CAPN14: variants seen among roughly 807,000 people sequenced by gnomAD.
CAPN14 encodes the protein calpain-14.
Under a neutral mutation model 101.3 loss-of-function variants are expected in CAPN14, and 94 were observed. The observed-to-expected ratio is 0.93, with a 90% CI of 0.79 to 1.10. The LOEUF (loss-of-function observed/expected upper bound fraction) is 1.10, where lower values mean the gene tolerates loss of function less well. CAPN14 is among the 50% of genes least tolerant of loss of function. The pLI, the probability that CAPN14 is intolerant of heterozygous loss-of-function variation, is 0.00. For synonymous variants in CAPN14, 338 were observed against 317.9 expected (o/e 1.06, Z -0.67); for missense variants, 837 against 828.4 (o/e 1.01, Z -0.13).
At chr2:31,196,729 T>C (rs1009594723) in intron 8 of CAPN14, among the ~76,000 whole-genome samples, 1 of 152,150 alleles carries the variant, frequency 6.6e-6, no homozygotes, top group South Asian at 2.1e-4. Context: ...ACAACCTAAA[T>C]GTAGGCACCT....
chr2:31,205,073 A>G (rs1572423853), intron 2 of CAPN14, 150 bp downstream of exon 2: 1 of 663,770 alleles, frequency 1.5e-6, no homozygotes, highest in East Asian at 2.7e-5. Context: ...AAAACCTCCT[A>G]CACATCTGGT....
At chr2:31,201,122 C>CATGTGTGT (rs1553395287) in intron 5 of CAPN14, among the ~76,000 whole-genome samples, 97 of 150,066 alleles carry the variant, frequency 6.5e-4, no homozygotes, top group South Asian at 4.0e-3. Flanking sequence ...CGTGTGTGTG[C>CATGTGTGT]ATGTGTGTAT....
At chr2:31,175,081 T>C (rs1410642662) in intron 21 of CAPN14, among the ~76,000 whole-genome samples, 1 of 152,196 alleles carries the variant, frequency 6.6e-6, no homozygotes, top group Admixed American at 6.5e-5. Context: ...CTGACAGCTT[T>C]ATGTGGGTTT....
chr2:31,231,524 C>T (rs1332002029), intron 1 of CAPN14, among the ~76,000 whole-genome samples: 1 of 152,078 alleles, frequency 6.6e-6, no homozygotes, highest in East Asian at 1.9e-4. Context: ...TCTTTCATGA[C>T]CTTTTATTGC....
intron 1 of CAPN14, among the ~76,000 whole-genome samples, chr2:31,227,382 A>G (rs1206285321): frequency 2.1e-5 from 3 of 145,854 alleles, no homozygotes. Context: ...CAGCCCATCA[A>G]CTAGACTCAG....
At chr2:31,211,458 C>G (rs1185101386) in intron 1 of CAPN14, among the ~76,000 whole-genome samples, 1 of 151,958 alleles carries the variant, frequency 6.6e-6, no homozygotes, top group Non-Finnish European at 1.5e-5. Context: ...CAAGAACTAA[C>G]TAGAAAATGT....
At chr2:31,212,935 A>G (rs1344782042) in intron 1 of CAPN14, among the ~76,000 whole-genome samples, 1 of 152,216 alleles carries the variant, frequency 6.6e-6, no homozygotes, top group African/African-American at 2.4e-5. Context: ...GTCTCAGGCA[A>G]AATTGTAGTA....
In CAPN14 at chr2:31,188,479, G is replaced by A. The variant is rs531981887; in HGVS notation, c.1494-125C>T. 1,089 of 765,972 alleles carry A rather than the reference G, an allele frequency of 1.4e-3. 1 individual carries two copies. Among genetic ancestry groups the A allele is most frequent in the Non-Finnish European group, 2.0e-3 (865 of 442,970 alleles). The allele number at this position is 765,972 out of a possible 1,614,324, so 47.4% of individuals were successfully genotyped here. ...CTGAGGCACCACAAGGGCCCACCCA[G>A]CTCTCACACCTCACCTCCTGCTTCC... On this transcript the variant is annotated intron_variant, in intron 13 of 21. Transcript: ENST00000403897.
chr2:31,174,325 C>G lies in CAPN14; in HGVS notation c.*356G>C. The G allele has an allele frequency of 2.6e-6, 1 of 383,686 alleles. No homozygotes were observed. Among genetic ancestry groups the G allele is most frequent in the Non-Finnish European group, 4.7e-6 (1 of 211,382 alleles). 23.8% of individuals were successfully genotyped at this position (383,686 alleles called of 1,614,324 possible). Reference sequence around the variant, plus strand: ...AGAACATGTGGCATGTCTAAAGTCACTTGAGTTTGCAGCCACAGAGGCAGT... The same window carrying G: ...AGAACATGTGGCATGTCTAAAGTCAGTTGAGTTTGCAGCCACAGAGGCAGT... On this transcript the variant is annotated 3_prime_UTR_variant, in exon 22 of 22. Transcript: ENST00000403897.
chr2:31,178,365 A>T (rs1680416191), intron 18 of CAPN14, 146 bp downstream of exon 18: 1 of 657,230 alleles, frequency 1.5e-6, no homozygotes. Flanking sequence ...AGACCAATAG[A>T]GGAAATGCTC....
chr2:31,207,307 T>C (rs966695022), intron 1 of CAPN14, among the ~76,000 whole-genome samples: 2 of 152,232 alleles, frequency 1.3e-5, no homozygotes, highest in Non-Finnish European at 1.5e-5. Context: ...ATTCTGTCTA[T>C]GGACCCATTG....
chr2:31,183,818 C>T (rs566523163), intron 16 of CAPN14, among the ~76,000 whole-genome samples: 2 of 151,220 alleles, frequency 1.3e-5, no homozygotes, highest in East Asian at 1.9e-4. Context: ...TTCCCTCCCT[C>T]TCTCCCTCCC....
At chr2:31,180,416 G>T (rs1305994031) in intron 17 of CAPN14, among the ~76,000 whole-genome samples, 2 of 152,140 alleles carry the variant, frequency 1.3e-5, no homozygotes, top group African/African-American at 4.8e-5. Flanking sequence ...ACTTAGAAAG[G>T]CAGTGTGTTT....
At chr2:31,218,092 C>A (rs73921595), upstream of CAPN14, among the ~76,000 whole-genome samples, 1,942 of 152,280 alleles carry the variant, frequency 0.013, 50 homozygotes, top group African/African-American at 0.044. Flanking sequence ...TTTTGGCCAT[C>A]TGGGACTCAG....
At chr2:31,181,431 T>TTTCTTTCTTTCTTTCTTTCTTTCTTTCC (rs1558612430) in intron 16 of CAPN14, among the ~76,000 whole-genome samples, 3 of 148,504 alleles carry the variant, frequency 2.0e-5, no homozygotes, top group African/African-American at 7.5e-5. Context: ...TCTTTCTTTC[T>TTTCTTTCTTTCTTTCTTTCTTTCTTTCC]TTCTTTCTTT....
chr2:31,227,619 G>A (rs191980890), intron 1 of CAPN14, among the ~76,000 whole-genome samples: 83 of 152,294 alleles, frequency 5.4e-4, no homozygotes, highest in Non-Finnish European at 1.1e-3. Flanking sequence ...ATTGTGAAGC[G>A]TCATTGGCAC....
intron 21 of CAPN14, among the ~76,000 whole-genome samples, chr2:31,175,637 T>C (rs1264947299): frequency 6.6e-6 from 1 of 152,262 alleles, no homozygotes; most frequent in Non-Finnish European, 1.5e-5. Flanking sequence ...CTGAAAATTC[T>C]GGCCATTGGC....
At chr2:31,186,604 C>G in intron 15 of CAPN14, 119 bp from the exon 16 acceptor site, 1 of 700,024 alleles carries the variant, frequency 1.4e-6, no homozygotes, top group Admixed American at 3.4e-5. Context: ...CTTCACAATG[C>G]TTTTTAACTG....
intron 1 of CAPN14, among the ~76,000 whole-genome samples, chr2:31,206,535 G>T (rs943265076): frequency 4.6e-5 from 7 of 152,214 alleles, no homozygotes; most frequent in African/African-American, 1.7e-4. Flanking sequence ...GATTACAGGC[G>T]TGAGCCACCA....
Sources: allele counts gnomAD v4.1 joint callset (sites outside exome capture counted in the v4.1 genomes callset), GRCh38; gene constraint gnomAD v4.1.1; transcripts MANE v1.5; gene names NCBI Gene and HGNC (gene_info 2026-07-23, HGNC 2026-07-21).